BRF1: variants seen among roughly 807,000 people sequenced by gnomAD.
The protein encoded by BRF1 is transcription factor IIIB 90 kDa subunit.
A neutral mutation model predicts 81.7 loss-of-function variants in BRF1; 59 were observed. The ratio of observed to expected loss-of-function variants is 0.72; its 90% CI spans 0.59 to 0.90. The LOEUF is 0.90. Ranked by LOEUF, BRF1 falls within the 40% of genes least tolerant of loss-of-function variation. The pLI, the probability that BRF1 is intolerant of heterozygous loss-of-function variation, is 0.00. For missense variants in BRF1, 1,050 were observed against 936.3 expected (o/e 1.12, Z -1.58); for synonymous variants, 491 against 395.6 (o/e 1.24, Z -2.86).
At position 105,272,715 on chromosome 14, in the gene BRF1, G is replaced by A; in HGVS notation, c.439+6C>T. The A allele has an allele frequency of 6.3e-7, 1 of 1,599,088 alleles. No homozygotes were observed. The highest frequency in any genetic ancestry group is 8.6e-7 in the Non-Finnish European group (1 of 1,168,730). On this transcript the variant is annotated splice_donor_region_variant and intron_variant, in intron 3 of 17. Transcript: ENST00000547530. ...CCCTCTGGGAGGCTCTCAAACCAAA[G>A]GATACGCGGCGTGCCCTCCGTACGG...
intron 3 of BRF1, among the ~76,000 whole-genome samples, chr14:105,264,439 C>T (rs961312935): frequency 2.0e-5 from 3 of 151,738 alleles, no homozygotes; most frequent in East Asian, 1.9e-4. Context: ...CCGAGGTGGG[C>T]GGATCACGAG....
chr14:105,221,981 C>T, intron 10 of BRF1, 67 bp from the exon 11 acceptor site: 1 of 1,489,562 alleles, frequency 6.7e-7, no homozygotes. Context: ...TGACAAAAAA[C>T]AATGCTACCA....
At position 105,286,362 on chromosome 14, in the gene BRF1, G is replaced by C; in HGVS notation, c.199C>G (p.Pro67Ala). Residue 67 changes from proline (P) to alanine (A), a missense_variant, in exon 2 of 18, where the codon CCG (proline) becomes GCG (alanine). Transcript: ENST00000547530. ...FVSLDGAGKT[P>A]TLGGGFHVNL... Reference sequence around the variant, plus strand: ...ACGTGGAAGCCGCCACCCAGAGTCGGGGTTTTGCCAGCACCTGGAAACACA... The same window carrying C: ...ACGTGGAAGCCGCCACCCAGAGTCGCGGTTTTGCCAGCACCTGGAAACACA... 1.2e-6 allele frequency: 2 copies of C among 1,613,260 alleles called. No homozygotes were observed. The highest frequency in any genetic ancestry group is 1.3e-5 in the African/African-American group (1 of 75,056).
At chr14:105,244,175 C>A (rs929719697) in intron 5 of BRF1, among the ~76,000 whole-genome samples, 4 of 151,502 alleles carry the variant, frequency 2.6e-5, no homozygotes, top group Non-Finnish European at 4.4e-5. Flanking sequence ...GATGCAGTGG[C>A]TCACACCTGT....
At chr14:105,311,508 G>A (rs1011025057) in intron 1 of BRF1, among the ~76,000 whole-genome samples, 4 of 152,164 alleles carry the variant, frequency 2.6e-5, no homozygotes, top group Non-Finnish European at 1.5e-5. Flanking sequence ...GTGCGCTTTG[G>A]CCTCCCAAAG....
intron 11 of BRF1, among the ~76,000 whole-genome samples, chr14:105,221,299 C>G (rs973683499): frequency 1.3e-5 from 2 of 152,216 alleles, no homozygotes; most frequent in African/African-American, 4.8e-5. Context: ...TGACGTTCCC[C>G]CGACCATGTT....
At chr14:105,251,459 G>A (rs2735817) in intron 5 of BRF1, among the ~76,000 whole-genome samples, 33,872 of 152,100 alleles carry the variant, frequency 0.22, 4,187 homozygotes, top group Middle Eastern at 0.27. Context: ...GTGGACTATA[G>A]GGTGAAACAG....
At chr14:105,227,144 G>T (rs587710504) in intron 7 of BRF1, 2 of 236,370 alleles carry the variant, frequency 8.5e-6, no homozygotes, top group African/African-American at 2.4e-5. Context: ...AAAAGGCCAG[G>T]TGCTGTGGCT....
intron 5 of BRF1, among the ~76,000 whole-genome samples, chr14:105,243,466 AATAAAAAT>A (rs879653069): frequency 5.3e-4 from 46 of 86,442 alleles, no homozygotes; most frequent in East Asian, 1.0e-3. Flanking sequence ...AAAAAAAAAA[AATAAAAAT>A]AAAAAATTAG....
chr14:105,229,458 A>C (rs1317284100), intron 6 of BRF1, among the ~76,000 whole-genome samples: 1 of 152,186 alleles, frequency 6.6e-6, no homozygotes, highest in Non-Finnish European at 1.5e-5. Context: ...TGTGGGCACG[A>C]GGGTAAGGGC....
intron 5 of BRF1, chr14:105,250,772 T>G: frequency 8.0e-7 from 1 of 1,254,172 alleles, no homozygotes; most frequent in Non-Finnish European, 1.1e-6. Context: ...TAACTTTGTC[T>G]CTCTTTGACA....
chr14:105,313,232 C>T (rs2058398644), intron 1 of BRF1, among the ~76,000 whole-genome samples: 2 of 152,210 alleles, frequency 1.3e-5, no homozygotes, highest in South Asian at 2.1e-4. Flanking sequence ...GGTCCAGCAG[C>T]GCCGTACGCT....
chr14:105,264,550 C>G (rs2056310903), intron 3 of BRF1, among the ~76,000 whole-genome samples: 2 of 151,654 alleles, frequency 1.3e-5, no homozygotes, highest in Non-Finnish European at 2.9e-5. Context: ...GCCTGTAGTC[C>G]CAGCTACTCG....
At chr14:105,246,987 G>A in intron 5 of BRF1, 5 of 985,384 alleles carry the variant, frequency 5.1e-6, no homozygotes, top group Non-Finnish European at 6.0e-6. Context: ...ACAACCTGCT[G>A]ATCCTTTCTG....
upstream of BRF1, among the ~76,000 whole-genome samples, chr14:105,302,156 AAAG>A (rs1159554652): frequency 1.3e-5 from 2 of 151,454 alleles, no homozygotes; most frequent in African/African-American, 4.8e-5. Flanking sequence ...CAAAAAAAAA[AAAG>A]AGAAAAAAGG....
In BRF1 at chr14:105,315,067, G is replaced by T; in HGVS notation, c.-162+255C>A. ...GCGCCGCCCGCCGCGCTTTGTTCCC[G>T]CCGGGCACCTGCTGGGGGTGTCCTG... On this transcript the variant is annotated intron_variant, in intron 1 of 17. Coordinates refer to the BRF1 transcript ENST00000327359. This position sits in a 1 kb window ranked among gnomAD's most constrained non-coding sequence, Gnocchi z 4.4. 1.8e-6 allele frequency: 2 copies of T among 1,132,754 alleles called. No individual in the cohort carries two copies. Among genetic ancestry groups the T allele is most frequent in the Non-Finnish European group, 2.2e-6 (2 of 916,978 alleles). The allele number at this position is 1,132,754 out of a possible 1,614,324, so 70.2% of individuals were successfully genotyped here.
chr14:105,304,547 T>C (rs948678594), upstream of BRF1, among the ~76,000 whole-genome samples: 1 of 152,206 alleles, frequency 6.6e-6, no homozygotes, highest in African/African-American at 2.4e-5. Flanking sequence ...TACTGGGCAA[T>C]GGCCCAAGGT....
intron 3 of BRF1, among the ~76,000 whole-genome samples, chr14:105,259,847 T>C (rs587736885): frequency 6.6e-6 from 1 of 152,140 alleles, no homozygotes; most frequent in Non-Finnish European, 1.5e-5. Context: ...GAGACAGAGG[T>C]TGCAGTAAGC....
intron 4 of BRF1, among the ~76,000 whole-genome samples, chr14:105,255,678 C>A (rs914437681): frequency 1.3e-5 from 2 of 152,360 alleles, no homozygotes; most frequent in East Asian, 3.9e-4. Context: ...CACCCTGTAT[C>A]CTGTCTGCAC....
Sources: gnomAD v4.1 joint callset for allele counts (sites outside exome capture counted in the v4.1 genomes callset) on GRCh38, gnomAD v4.1.1 for gene constraint, Gnocchi (gnomAD v3.1) non-coding constraint, MANE v1.5 for transcripts, NCBI Gene and HGNC (gene_info 2026-07-23, HGNC 2026-07-21) for gene names.